The following NCOA3 variants were observed in gnomAD, a reference collection of about 807,000 sequenced individuals.
The protein encoded by NCOA3 is CBP-interacting protein.
NCOA3 carries 51 observed loss-of-function variants against 158.8 expected under a neutral mutation model. The observed-to-expected ratio is 0.32, with a 90% CI of 0.26 to 0.41. NCOA3 has a LOEUF of 0.41. Among genes scored for constraint, NCOA3 ranks in the 10% least tolerant of loss-of-function variants. The probability of loss-of-function intolerance (pLI) is 1.00; values close to 1 mark genes in which losing one functional copy is unlikely to be tolerated. For missense variants in NCOA3, 1,510 were observed against 1,746.6 expected, an observed-to-expected ratio of 0.86 and a Z score of 2.41; for synonymous variants, 537 against 592.4, an observed-to-expected ratio of 0.91 and a Z score of 1.36.
chr20:47,597,647 C>G (rs2085783146), intron 2 of NCOA3, among the ~76,000 whole-genome samples: 1 of 151,730 alleles, frequency 6.6e-6, no homozygotes, highest in African/African-American at 2.4e-5. Flanking sequence ...CGCCACCAAG[C>G]CCAGCTACTT....
intron 8 of NCOA3, among the ~76,000 whole-genome samples, chr20:47,629,149 T>C (rs1458822565): frequency 6.6e-6 from 1 of 152,214 alleles, no homozygotes; most frequent in Non-Finnish European, 1.5e-5. Flanking sequence ...GTAATATGTA[T>C]ATATAATATA....
At chr20:47,648,916 ACCTCATTGGCTGG>A (rs2086734491) in intron 18 of NCOA3, 76 bp from the exon 19 acceptor site, 1 of 714,698 alleles carries the variant, frequency 1.4e-6, no homozygotes, top group Admixed American at 2.3e-5. Flanking sequence ...TGGAGATATT[ACCTCATTGGCTGG>A]TGCTGAGGGT....
At chr20:47,516,306 C>A (rs2084233604) in intron 1 of NCOA3, among the ~76,000 whole-genome samples, 1 of 152,074 alleles carries the variant, frequency 6.6e-6, no homozygotes, top group South Asian at 2.1e-4. Context: ...TCTGTATCTT[C>A]TGTTCAATAT....
intron 2 of NCOA3, among the ~76,000 whole-genome samples, chr20:47,584,786 T>C (rs538304076): frequency 6.6e-6 from 1 of 152,114 alleles, no homozygotes; most frequent in Admixed American, 6.5e-5. Flanking sequence ...TAGAGAAAAA[T>C]CTGCGTATAA....
intron 1 of NCOA3, among the ~76,000 whole-genome samples, chr20:47,516,308 G>C (rs1402563346): frequency 1.3e-5 from 2 of 151,954 alleles, no homozygotes; most frequent in African/African-American, 4.8e-5. Context: ...TGTATCTTCT[G>C]TTCAATATTG....
intron 2 of NCOA3, among the ~76,000 whole-genome samples, chr20:47,617,046 C>T (rs1401364562): frequency 6.6e-6 from 1 of 152,134 alleles, no homozygotes; most frequent in Non-Finnish European, 1.5e-5. Flanking sequence ...ACTTCTGCCT[C>T]TCGGGTTTAA....
intron 1 of NCOA3, among the ~76,000 whole-genome samples, chr20:47,537,518 TAAA>T (rs2146120541): frequency 6.6e-6 from 1 of 152,054 alleles, no homozygotes; most frequent in Non-Finnish European, 1.5e-5. Flanking sequence ...AAAGAAAATG[TAAA>T]ACTGCCAAAT....
At chr20:47,638,435 T>C (rs1232677140) in intron 13 of NCOA3, among the ~76,000 whole-genome samples, 1 of 152,162 alleles carries the variant, frequency 6.6e-6, no homozygotes, top group Non-Finnish European at 1.5e-5. Flanking sequence ...AAAACAAAGA[T>C]ATATTGTGTG....
intron 1 of NCOA3, among the ~76,000 whole-genome samples, chr20:47,572,292 T>C (rs558175815): frequency 6.6e-6 from 1 of 152,264 alleles, no homozygotes; most frequent in Non-Finnish European, 1.5e-5. Flanking sequence ...TTAATAACTT[T>C]CTCTGAGGCT....
chr20:47,653,177 A>C, intron 22 of NCOA3, 105 bp downstream of exon 22: 1 of 1,358,812 alleles, frequency 7.4e-7, no homozygotes, highest in Non-Finnish European at 1.0e-6. Context: ...TTTAACTTGA[A>C]TGTATAACTT....
intron 2 of NCOA3, among the ~76,000 whole-genome samples, chr20:47,621,060 T>G (rs1328126215): frequency 6.6e-6 from 1 of 152,190 alleles, no homozygotes; most frequent in Non-Finnish European, 1.5e-5. Flanking sequence ...TCATTTAAAC[T>G]TGTCATGGGG....
Position 47,653,649 on chromosome 20 carries a change from A to ATTTCTGTTTT in NCOA3, c.*232_*233insTTTCTGTTTT. ...TGCTGTGTATCATGGTGTTCAAAAC[A>ATTTCTGTTTT]GAAATGTTTTTTGGCATTCCACCTC... is the stretch of plus-strand genomic sequence containing the variant. On this transcript the variant is annotated 3_prime_UTR_variant, in exon 23 of 23. Transcript: ENST00000371998. 1 of 525,778 alleles carries ATTTCTGTTTT rather than the reference A, an allele frequency of 1.9e-6. No homozygotes were observed. The highest frequency in any genetic ancestry group is 3.4e-6 in the Non-Finnish European group (1 of 298,198). 32.6% of individuals were successfully genotyped at this position (525,778 alleles called of 1,614,324 possible). A position where few individuals can be genotyped will look rare whatever the true frequency, so the allele number is the denominator to read the frequency against.
At chr20:47,649,170 G>A in intron 19 of NCOA3, 61 bp downstream of exon 19, 2 of 1,021,208 alleles carry the variant, frequency 2.0e-6, no homozygotes, top group East Asian at 2.6e-5. Flanking sequence ...CTTGGCCTGT[G>A]GTTGGCTCTC....
intron 1 of NCOA3, among the ~76,000 whole-genome samples, chr20:47,581,027 G>A (rs1038309733): frequency 1.3e-5 from 2 of 151,998 alleles, no homozygotes; most frequent in Non-Finnish European, 2.9e-5. Context: ...TTTGAGCCTC[G>A]GAGGTCGAGG....
chr20:47,637,867 G>A (rs902466568), intron 13 of NCOA3, 84 bp downstream of exon 13: 1 of 1,212,516 alleles, frequency 8.2e-7, no homozygotes, highest in Non-Finnish European at 1.1e-6. Flanking sequence ...CTAAGACCAG[G>A]ATATAAATAG....
At chr20:47,644,264 C>T (rs1468900497) in intron 17 of NCOA3, among the ~76,000 whole-genome samples, 8 of 151,228 alleles carry the variant, frequency 5.3e-5, no homozygotes, top group African/African-American at 9.7e-5. Flanking sequence ...CTCAGCCTCC[C>T]GAGTAGCTGG....
intron 1 of NCOA3, among the ~76,000 whole-genome samples, chr20:47,502,378 C>T (rs1426737802): frequency 1.3e-5 from 2 of 152,194 alleles, no homozygotes; most frequent in Admixed American, 1.3e-4. Context: ...TTGCCTCCCC[C>T]AGCCCTTTTG....
At chr20:47,604,022 T>C (rs1345265997) in intron 2 of NCOA3, among the ~76,000 whole-genome samples, 2 of 152,222 alleles carry the variant, frequency 1.3e-5, no homozygotes, top group African/African-American at 4.8e-5. Flanking sequence ...TCTGTATCAG[T>C]AATATAGGAA....
At chr20:47,621,634 A>G (rs894461211) in intron 2 of NCOA3, among the ~76,000 whole-genome samples, 2 of 146,778 alleles carry the variant, frequency 1.4e-5, no homozygotes, top group South Asian at 2.1e-4. Context: ...ACCAAAGCAT[A>G]CTATTTTTCC....
Sources: allele counts gnomAD v4.1 joint callset (sites outside exome capture counted in the v4.1 genomes callset), GRCh38; gene constraint gnomAD v4.1.1; transcripts MANE v1.5; gene names NCBI Gene and HGNC (gene_info 2026-07-23, HGNC 2026-07-21).